The following WDR70 variants were observed in gnomAD, a reference collection of about 807,000 sequenced individuals.
WDR70 encodes the protein WD repeat-containing protein 70.
WDR70 carries 53 observed loss-of-function variants against 88.6 expected under a neutral mutation model. The ratio of observed to expected loss-of-function variants is 0.60; its 90% CI spans 0.48 to 0.75. The LOEUF is 0.75. Ranked by LOEUF, WDR70 falls within the 30% of genes least tolerant of loss-of-function variation. The pLI is 0.00. For missense variants in WDR70, 610 were observed against 823.2 expected, an observed-to-expected ratio of 0.74 and a Z score of 3.17; for synonymous variants, 280 against 270.0, an observed-to-expected ratio of 1.04 and a Z score of -0.36.
intron 12 of WDR70, among the ~76,000 whole-genome samples, chr5:37,701,978 C>T (rs1019951697): frequency 1.3e-5 from 2 of 152,076 alleles, no homozygotes; most frequent in Non-Finnish European, 2.9e-5. Context: ...AAATTGGCAC[C>T]TGAAACTTTT....
chr5:37,425,133 C>A (rs1319024304), intron 5 of WDR70, among the ~76,000 whole-genome samples: 1 of 152,154 alleles, frequency 6.6e-6, no homozygotes, highest in Non-Finnish European at 1.5e-5. Flanking sequence ...GTGGTCCCAG[C>A]CACTCAGGCG....
intron 7 of WDR70, among the ~76,000 whole-genome samples, chr5:37,475,384 A>C (rs1249506269): frequency 2.0e-5 from 3 of 151,574 alleles, no homozygotes; most frequent in Non-Finnish European, 4.4e-5. Context: ...ACAGGCATGC[A>C]CCACCATGCC....
intron 10 of WDR70, among the ~76,000 whole-genome samples, chr5:37,677,987 G>A (rs530438265): frequency 2.0e-5 from 3 of 152,216 alleles, no homozygotes; most frequent in East Asian, 3.9e-4. Context: ...ATTATGTAAT[G>A]GCCTTCTTTG....
intron 5 of WDR70, among the ~76,000 whole-genome samples, chr5:37,417,344 T>C (rs1002235543): frequency 6.6e-6 from 1 of 151,864 alleles, no homozygotes; most frequent in Non-Finnish European, 1.5e-5. Flanking sequence ...CCCATCTCAG[T>C]CTCCCTAGTA....
intron 5 of WDR70, among the ~76,000 whole-genome samples, chr5:37,400,446 G>T (rs1455741727): frequency 6.6e-6 from 1 of 152,102 alleles, no homozygotes; most frequent in African/African-American, 2.4e-5. Context: ...ACAGAAAAGT[G>T]TACTCTCTTA....
In WDR70 at chr5:37,473,374, G is replaced by A. The variant is rs1341525516; in HGVS notation, c.687-6460G>A. ...TTTTTTTTTTTTGAGACTGAGTTTC[G>A]CTCTTGTTGCCCAAGCTGGAGTGCA... On this transcript the variant is annotated intron_variant, in intron 7 of 17. Transcript: ENST00000265107. 8.1e-5 allele frequency among the ~76,000 whole-genome samples: 11 copies of A among 136,590 alleles called. No individual in the cohort carries two copies. In the South Asian group the frequency reaches 1.1e-3, roughly 14 times the overall value. 89.6% of individuals were successfully genotyped at this position (136,590 alleles called of 152,430 possible).
intron 10 of WDR70, among the ~76,000 whole-genome samples, chr5:37,623,149 T>C (rs1267757806): frequency 6.6e-6 from 1 of 152,144 alleles, no homozygotes; most frequent in African/African-American, 2.4e-5. Flanking sequence ...TTGAAGGAAA[T>C]TTCAAAAATA....
At position 37,522,480 on chromosome 5, in the gene WDR70, A is replaced by AG. The variant is rs1554146445; in HGVS notation, c.917+5890_917+5891insG. Among the ~76,000 whole-genome samples, 3 of 151,586 alleles carry AG rather than the reference A, an allele frequency of 2.0e-5. No homozygotes were observed. In the East Asian group the frequency reaches 5.8e-4, roughly 29 times the overall value. On this transcript the variant is annotated intron_variant, in intron 9 of 17. Transcript: ENST00000265107. Reference sequence around the variant, plus strand: ...AGTGAGACTCTGTCTCAAAAAAAAAAAAAAAAAAAAAAAAGGTGGCAGTTC... The same window carrying AG: ...AGTGAGACTCTGTCTCAAAAAAAAAAGAAAAAAAAAAAAAAGGTGGCAGTTC...
At chr5:37,522,329 G>C (rs967630530) in intron 9 of WDR70, among the ~76,000 whole-genome samples, 1 of 151,834 alleles carries the variant, frequency 6.6e-6, no homozygotes, top group African/African-American at 2.4e-5. Flanking sequence ...AAATTAGCTG[G>C]GCATGGTGGC....
chr5:37,406,287 C>G (rs550774335), intron 5 of WDR70, among the ~76,000 whole-genome samples: 117 of 152,312 alleles, frequency 7.7e-4, no homozygotes, highest in Middle Eastern at 3.4e-3. Flanking sequence ...ATTACCAGAT[C>G]TCTCCAATTC....
chr5:37,479,900 T>C lies in WDR70; in HGVS notation c.753T>C (p.Ser251=). ...GDMILVVSGS[S]QAKVIDRDGF... The stretch of plus-strand genomic sequence containing the variant: ...TGATTCTTGTTGTATCTGGAAGCTC[T>C]CAGGCCAAGGTGATTGACAGAGATG... Residue 251 remains serine (S), a synonymous_variant, in exon 8 of 18, where the codon TCT becomes TCC. Transcript: ENST00000265107. The C allele has an allele frequency of 6.2e-7, 1 of 1,614,202 alleles. No individual in the cohort carries two copies. Among genetic ancestry groups the C allele is most frequent in the Non-Finnish European group, 8.5e-7 (1 of 1,180,028 alleles).
At chr5:37,381,887 C>T (rs1748436325) in intron 3 of WDR70, 2 of 389,690 alleles carry the variant, frequency 5.1e-6, no homozygotes, top group Admixed American at 7.3e-5. Flanking sequence ...AACCCCATCT[C>T]AACTAAAAAT....
chr5:37,685,677 C>T (rs1001894691), intron 10 of WDR70, among the ~76,000 whole-genome samples: 6 of 152,124 alleles, frequency 3.9e-5, no homozygotes, highest in Non-Finnish European at 8.8e-5. Flanking sequence ...ACAGATGCTC[C>T]CACACCAAAC....
At chr5:37,694,334 C>A (rs1401787061) in intron 10 of WDR70, among the ~76,000 whole-genome samples, 3 of 152,180 alleles carry the variant, frequency 2.0e-5, no homozygotes, top group Non-Finnish European at 4.4e-5. Context: ...TTGACCCAGC[C>A]ATCCCATTAC....
At chr5:37,741,978 G>A (rs1189759449) in intron 17 of WDR70, among the ~76,000 whole-genome samples, 1 of 152,116 alleles carries the variant, frequency 6.6e-6, no homozygotes, top group African/African-American at 2.4e-5. Flanking sequence ...TTCCATTTAT[G>A]TATATACCAT....
At chr5:37,393,117 A>G (rs746151945) in intron 4 of WDR70, among the ~76,000 whole-genome samples, 2 of 152,084 alleles carry the variant, frequency 1.3e-5, no homozygotes, top group African/African-American at 4.8e-5. Flanking sequence ...ATCTCAGCTC[A>G]CTGCAACCTC....
chr5:37,548,344 G>A (rs1473439930), intron 9 of WDR70, among the ~76,000 whole-genome samples: 2 of 152,118 alleles, frequency 1.3e-5, no homozygotes, highest in Admixed American at 1.3e-4. Context: ...TTTAACTGGG[G>A]TGAGATGATA....
intron 10 of WDR70, among the ~76,000 whole-genome samples, chr5:37,615,493 T>C (rs1350053011): frequency 1.3e-5 from 2 of 152,160 alleles, no homozygotes; most frequent in African/African-American, 4.8e-5. Flanking sequence ...GCTGCTCAAA[T>C]GTAAGACCAG....
chr5:37,705,747 A>T (rs796554713), intron 13 of WDR70, among the ~76,000 whole-genome samples: 7 of 152,322 alleles, frequency 4.6e-5, no homozygotes, highest in African/African-American at 1.7e-4. Context: ...CCACACTCCA[A>T]GGTAGTAAGG....
Sources: allele counts gnomAD v4.1 joint callset (sites outside exome capture counted in the v4.1 genomes callset), GRCh38; gene constraint gnomAD v4.1.1; transcripts MANE v1.5; gene names NCBI Gene and HGNC (gene_info 2026-07-23, HGNC 2026-07-21).